The following NUDT18 variants were observed in gnomAD, a reference collection of about 807,000 sequenced individuals.
NUDT18 encodes 8-oxo-dGDP phosphatase NUDT18.
In NUDT18, 26 loss-of-function variants were observed where a neutral mutation model predicts 27.6. The ratio of observed to expected loss-of-function variants is 0.94; its 90% CI spans 0.69 to 1.31. NUDT18 has a LOEUF of 1.31. Ranked by LOEUF, NUDT18 falls within the 50% of genes most tolerant of loss-of-function variation. The probability of loss-of-function intolerance (pLI) is 0.00; values close to 1 mark genes in which losing one functional copy is unlikely to be tolerated. For missense variants in NUDT18, 450 were observed against 433.4 expected, an observed-to-expected ratio of 1.04 and a Z score of -0.34; for synonymous variants, 220 against 196.9, an observed-to-expected ratio of 1.12 and a Z score of -0.98.
upstream of NUDT18, chr8:22,109,837 C>G (rs1383285159): frequency 4.6e-6 from 2 of 437,350 alleles, no homozygotes; most frequent in Non-Finnish European, 9.2e-6. Context: ...ATGGCATTGC[C>G]GGAGTTGATC....
At chr8:22,110,271 C>T (rs570856063), upstream of NUDT18, among the ~76,000 whole-genome samples, 6 of 152,368 alleles carry the variant, frequency 3.9e-5, 1 homozygote, top group South Asian at 1.2e-3. Context: ...GGACCTGGCG[C>T]GTGGAGAGCA....
In NUDT18 at chr8:22,109,416, C is replaced by G; in HGVS notation, c.-116G>C. ...CCTGCGGCAGCGGGCCGGGAGCTCACGAGAACGCGGAAGCGCACGCGAACG... is the reference window on the plus strand; with the variant it reads ...CCTGCGGCAGCGGGCCGGGAGCTCAGGAGAACGCGGAAGCGCACGCGAACG... On this transcript the variant is annotated 5_prime_UTR_variant, in exon 1 of 3. Transcript: ENST00000611621. 8.2e-6 allele frequency: 3 copies of G among 367,324 alleles called. No homozygotes were observed. Among genetic ancestry groups the G allele is most frequent in the Non-Finnish European group, 1.2e-5 (3 of 253,186 alleles). 22.8% of individuals were successfully genotyped at this position (367,324 alleles called of 1,614,324 possible).
chr8:22,108,382 C>T, intron 1 of NUDT18, 36 bp from the exon 2 acceptor site: 1 of 1,524,948 alleles, frequency 6.6e-7, no homozygotes, highest in Non-Finnish European at 8.9e-7. Flanking sequence ...CCTGCCACAG[C>T]CTTCCCTCGC....
At chr8:22,108,402 A>AG in intron 1 of NUDT18, 56 bp from the exon 2 acceptor site, 1 of 1,453,654 alleles carries the variant, frequency 6.9e-7, no homozygotes. Context: ...CCCCGGGACC[A>AG]GGGGGCATCT....
rs71204536 is a variant in NUDT18 at position 22,109,397 on chromosome 8, G to GAGA, written c.-98_-97insTCT. 885 of 1,169,134 alleles carry GAGA rather than the reference G, an allele frequency of 7.6e-4. No homozygotes were observed. Among genetic ancestry groups the GAGA allele is most frequent in the Non-Finnish European group, 8.8e-4 (794 of 901,070 alleles). 72.4% of individuals were successfully genotyped at this position (1,169,134 alleles called of 1,614,324 possible). On this transcript the variant is annotated 5_prime_UTR_variant, in exon 1 of 3. Transcript: ENST00000611621. ...GCGGAGCCCGCTCCCAGTCCCTGCG[G>GAGA]CAGCGGGCCGGGAGCTCACGAGAAC...
Position 22,107,709 on chromosome 8 carries a change from A to C in NUDT18, c.563T>G (p.Val188Gly). ...ILPQELPCDL[V>G]CQRLVATFTS... is the part of the protein sequence containing the mutation. ...AAAGGTAGCCACGAGCCGCTGGCAG[A>C]CCAGATCACAGGGTAGCTCTTGGGG... is the stretch of plus-strand genomic sequence containing the variant. Residue 188 changes from valine to glycine, a missense_variant, in exon 3 of 3, where the codon GTC becomes GGC. Physicochemically the swap from Val to Gly is moderately radical, Grantham distance 109 (BLOSUM62 -3). Transcript: ENST00000611621. The C allele has an allele frequency of 6.2e-7, 1 of 1,613,418 alleles. No homozygotes were observed. Among genetic ancestry groups the C allele is most frequent in the Non-Finnish European group, 8.5e-7 (1 of 1,179,724 alleles).
rs144206096 is a variant in NUDT18, at chr8:22,106,944, G to C, written c.*356C>G. ...GGGACCTTCCCCAGTGCCCCTCCAT[G>C]CTCGAAGGGCCTGGAAGGATCAGAA... On this transcript the variant is annotated 3_prime_UTR_variant, in exon 3 of 3. Transcript: ENST00000611621. 8 of 197,124 alleles carry C rather than the reference G, an allele frequency of 4.1e-5. No individual in the cohort carries two copies. The highest frequency in any genetic ancestry group is 3.9e-3 in the Middle Eastern group (2 of 518). The allele number at this position is 197,124 out of a possible 1,614,324, so 12.2% of individuals were successfully genotyped here.
upstream of NUDT18, chr8:22,109,845 A>C (rs1340811350): frequency 2.3e-6 from 1 of 434,154 alleles, no homozygotes; most frequent in Admixed American, 2.5e-5. Context: ...GCCGGAGTTG[A>C]TCATATCCCA....
chr8:22,109,120 C>T lies in NUDT18; in HGVS notation c.162+19G>A. The stretch of plus-strand genomic sequence containing the variant: ...CTGCGCGCTCCCGAGGCCCGGCGGG[C>T]CCGGGGGCGGCCGCTCACCTGCTCG... On this transcript the variant is annotated intron_variant, in intron 1 of 2. Transcript: ENST00000611621. 7.1e-7 allele frequency: 1 copy of T among 1,403,726 alleles called. No homozygotes were observed. The highest frequency in any genetic ancestry group is 9.2e-7 in the Non-Finnish European group (1 of 1,090,456). The allele number at this position is 1,403,726 out of a possible 1,614,324, so 87.0% of individuals were successfully genotyped here.
chr8:22,108,051 CT>C (rs1391110486), intron 2 of NUDT18, 81 bp downstream of exon 2: 1 of 1,399,412 alleles, frequency 7.1e-7, no homozygotes, highest in East Asian at 2.5e-5. Context: ...ACAGGACTGG[CT>C]GTAGAGGGGC....
intron 1 of NUDT18, 86 bp downstream of exon 1, chr8:22,109,053 G>C: frequency 9.3e-7 from 1 of 1,071,838 alleles, no homozygotes; most frequent in South Asian, 2.1e-5. Flanking sequence ...ACGCGGCAGC[G>C]CTGGCTGTGG....
At position 22,109,176 on chromosome 8, in the gene NUDT18, A is replaced by G; in HGVS notation, c.125T>C (p.Val42Ala). 6.9e-7 allele frequency: 1 copy of G among 1,454,608 alleles called. No individual in the cohort carries two copies. The highest frequency in any genetic ancestry group is 1.3e-5 in the South Asian group (1 of 75,366). The allele number at this position is 1,454,608 out of a possible 1,614,324, so 90.1% of individuals were successfully genotyped here. Reference sequence around the variant, plus strand: ...GAACACGGCCAGCACCACGTAGCACACGTTCTTCCGCAGCCGCACGGGCGC... The same window carrying G: ...GAACACGGCCAGCACCACGTAGCACGCGTTCTTCCGCAGCCGCACGGGCGC... ...PPAPVRLRKN[V>A]CYVVLAVFLS... Residue 42 changes from valine to alanine, a missense_variant, in exon 1 of 3, where the codon GTG becomes GCG. Val to Ala is a moderately conservative substitution (Grantham distance 64). Transcript: ENST00000611621.
In NUDT18 at chr8:22,107,464, A is replaced by G; in HGVS notation, c.808T>C (p.Leu270=). 6.2e-7 allele frequency: 1 copy of G among 1,613,244 alleles called. No individual in the cohort carries two copies. Among genetic ancestry groups the G allele is most frequent in the Non-Finnish European group, 8.5e-7 (1 of 1,179,852 alleles). Residue 270 remains leucine, a synonymous_variant, in exon 3 of 3, where the codon TTG becomes CTG. Transcript: ENST00000611621. ...AAAGCCACGGTCACCAGCACATTCA[A>G]ACAGATGCCATCACTGTGATCTCGG... ...LGRDHSDGIC[L]NVLVTVAFRS...
Position 22,108,271 on chromosome 8 carries a change from G to C in NUDT18, c.238C>G (p.Pro80Ala). The change falls in exon 2 of 3, where the codon CCA becomes GCA. Residue 80 changes from proline to alanine, a missense_variant. Coordinates refer to ENST00000611621, the MANE Select transcript of NUDT18 (RefSeq NM_024815.4). Reference sequence around the variant, plus strand: ...AGCGCCTCCACGATGGTCTCCCCTGGCTCCATTCTCCCCGCAGGCAGGTAC... The same window carrying C: ...AGCGCCTCCACGATGGTCTCCCCTGCCTCCATTCTCCCCGCAGGCAGGTAC... ...SWYLPAGRMEPGETIVEALQR... is the reference protein window; with the variant it reads ...SWYLPAGRMEAGETIVEALQR... The C allele has an allele frequency of 1.3e-6, 2 of 1,596,778 alleles. No individual in the cohort carries two copies. Among genetic ancestry groups the C allele is most frequent in the Non-Finnish European group, 1.7e-6 (2 of 1,172,718 alleles).
upstream of NUDT18, chr8:22,109,558 T>G: frequency 2.0e-6 from 1 of 491,624 alleles, no homozygotes; most frequent in East Asian, 5.0e-5. Context: ...GCCCTGGAAC[T>G]GGGGGGGCAC....
chr8:22,108,083 G>A (rs1237080973), intron 2 of NUDT18, 50 bp downstream of exon 2: 2 of 1,443,132 alleles, frequency 1.4e-6, no homozygotes. Flanking sequence ...GAGGAGCTGG[G>A]GGAAAGGTGT....
At chr8:22,107,967 G>A in intron 2 of NUDT18, 72 bp from the exon 3 acceptor site, 1 of 1,395,268 alleles carries the variant, frequency 7.2e-7, no homozygotes, top group Non-Finnish European at 9.6e-7. Flanking sequence ...AGAGTCAACA[G>A]ACATCCCTGA....
chr8:22,107,884 T>G lies in NUDT18; in HGVS notation c.388A>C (p.Lys130Gln). 3 of 1,578,052 alleles carry G rather than the reference T, an allele frequency of 1.9e-6. No individual in the cohort carries two copies. Among genetic ancestry groups the G allele is most frequent in the Non-Finnish European group, 2.6e-6 (3 of 1,159,646 alleles). The change falls in exon 3 of 3, where the codon AAG becomes CAG. Residue 130 changes from lysine (K) to glutamine (Q), a missense_variant. Coordinates refer to ENST00000611621, the MANE Select transcript of NUDT18 (RefSeq NM_024815.4). ...FLARPTGGIL[K>Q]TSKEADAESL... ...TCCGCATCGGCCTCCTTGGAAGTCT[T>G]GAGAATTCCACCTGGGGGAGATGTG...
intron 2 of NUDT18, 47 bp from the exon 3 acceptor site, chr8:22,107,942 A>C: frequency 6.8e-7 from 1 of 1,473,372 alleles, no homozygotes; most frequent in Non-Finnish European, 9.1e-7. Flanking sequence ...GTGTGGAGAG[A>C]AGTGCAGCTC....
Sources: allele counts gnomAD v4.1 joint callset (sites outside exome capture counted in the v4.1 genomes callset), GRCh38; gene constraint gnomAD v4.1.1; transcripts MANE v1.5; gene names NCBI Gene and HGNC (gene_info 2026-07-23, HGNC 2026-07-21).